The following ABCA10 variants were observed in gnomAD, a reference collection of about 807,000 sequenced individuals.
The protein encoded by ABCA10 is ATP-binding cassette sub-family A member 10.
Under a neutral mutation model 187.5 loss-of-function variants are expected in ABCA10, and 169 were observed. That is an observed-to-expected ratio of 0.90 (90% CI 0.80 to 1.02). The LOEUF (loss-of-function observed/expected upper bound fraction) is 1.02. ABCA10 is among the 50% of genes least tolerant of loss of function. The pLI is 0.00. For missense variants in ABCA10, 1,727 were observed against 1,812.4 expected, an observed-to-expected ratio of 0.95 and a Z score of 0.86; for synonymous variants, 574 against 601.8, an observed-to-expected ratio of 0.95 and a Z score of 0.68.
intron 3 of ABCA10, among the ~76,000 whole-genome samples, chr17:69,224,328 T>C (rs956121625): frequency 2.0e-5 from 3 of 152,096 alleles, no homozygotes; most frequent in African/African-American, 4.8e-5. Flanking sequence ...ACAGATTGGA[T>C]AAAATGTACA....
chr17:69,217,633 G>A (rs2074716178), intron 6 of ABCA10, among the ~76,000 whole-genome samples: 3 of 152,140 alleles, frequency 2.0e-5, no homozygotes, highest in African/African-American at 7.2e-5. Flanking sequence ...AGCCTTATTT[G>A]GGCAAAGCAG....
At position 69,216,245 on chromosome 17, in the gene ABCA10, G is replaced by A; in HGVS notation, c.644C>T (p.Thr215Ile). The change falls in exon 7 of 39, where the codon ACA (threonine) becomes ATA (isoleucine). Residue 215 changes from threonine to isoleucine, a missense_variant. Thr to Ile is a moderately conservative substitution (Grantham distance 89). Transcript: ENST00000690296. Reference sequence around the variant, plus strand: ...AGAAAGGCCATATAAGCTATAGAGTGTGAATATCACCATGAAGCCAGTATG... The same window carrying A: ...AGAAAGGCCATATAAGCTATAGAGTATGAATATCACCATGAAGCCAGTATG... ...VFHTGFMVIF[T>I]LYSLYGLSLI... The A allele has an allele frequency of 6.2e-7, 1 of 1,613,434 alleles. No individual in the cohort carries two copies. The highest frequency in any genetic ancestry group is 1.1e-5 in the South Asian group (1 of 90,932).
At chr17:69,226,087 T>C (rs1324449895) in intron 2 of ABCA10, among the ~76,000 whole-genome samples, 1 of 152,080 alleles carries the variant, frequency 6.6e-6, no homozygotes, top group African/African-American at 2.4e-5. Flanking sequence ...TGGAACTAGA[T>C]GATATGGAAT....
intron 18 of ABCA10, among the ~76,000 whole-genome samples, chr17:69,190,045 C>T (rs1001740730): frequency 6.6e-6 from 1 of 152,162 alleles, no homozygotes. Flanking sequence ...TAGCAGAATT[C>T]ATCGCTATAG....
intron 25 of ABCA10, among the ~76,000 whole-genome samples, chr17:69,167,957 C>T (rs996853235): frequency 6.6e-6 from 1 of 152,160 alleles, no homozygotes; most frequent in African/African-American, 2.4e-5. Flanking sequence ...TCTTTCACCT[C>T]TGACACCCCT....
Position 69,182,837 on chromosome 17 carries a change from A to G in ABCA10, c.2498-29T>C, listed in dbSNP as rs756513507. ...ACATAGTGGAAGGAAGGCAACAAGA[A>G]AAAAAAAAAAAAAGCAAGAAAATCA... On this transcript the variant is annotated intron_variant, in intron 20 of 38. Coordinates refer to ENST00000690296, the MANE Select transcript of ABCA10 (RefSeq NM_001377321.1). 8.4e-5 allele frequency: 22 copies of G among 263,088 alleles called. No homozygotes were observed. In the African/African-American group the frequency reaches 4.5e-3, roughly 54 times the overall value. 16.3% of individuals were successfully genotyped at this position (263,088 alleles called of 1,614,324 possible). A position where few individuals can be genotyped will look rare whatever the true frequency, so the allele number is the denominator to read the frequency against.
chr17:69,213,771 C>T (rs765457500), intron 9 of ABCA10, among the ~76,000 whole-genome samples: 1 of 152,190 alleles, frequency 6.6e-6, no homozygotes, highest in Admixed American at 6.5e-5. Context: ...AACCAACCCC[C>T]ACCCTGGCCC....
At chr17:69,166,560 C>T (rs184438475) in intron 25 of ABCA10, among the ~76,000 whole-genome samples, 1 of 152,162 alleles carries the variant, frequency 6.6e-6, no homozygotes, top group Non-Finnish European at 1.5e-5. Flanking sequence ...AACTTTTATA[C>T]CTATAGGCTT....
intron 20 of ABCA10, among the ~76,000 whole-genome samples, chr17:69,185,106 G>A (rs1260342471): frequency 6.6e-6 from 1 of 151,964 alleles, no homozygotes; most frequent in Non-Finnish European, 1.5e-5. Context: ...CTATGAAGGT[G>A]CAAAGGCATA....
At chr17:69,175,312 A>G in intron 23 of ABCA10, 94 bp downstream of exon 23, 1 of 1,056,380 alleles carries the variant, frequency 9.5e-7, no homozygotes, top group Admixed American at 2.8e-5. Context: ...AACATTAACC[A>G]AAGTACAACT....
intron 11 of ABCA10, among the ~76,000 whole-genome samples, chr17:69,195,560 T>TC (rs1555661360): frequency 1.4e-5 from 2 of 143,516 alleles, no homozygotes; most frequent in Non-Finnish European, 3.0e-5. Flanking sequence ...TTTTCTTTTT[T>TC]TTTTTTTTTT....
intron 37 of ABCA10, among the ~76,000 whole-genome samples, chr17:69,149,621 T>G (rs558743591): frequency 5.4e-4 from 82 of 152,294 alleles, no homozygotes; most frequent in African/African-American, 1.9e-3. Context: ...TTTAGAAACA[T>G]AGAGACCTCA....
At chr17:69,214,064 A>G (rs1243058228) in intron 9 of ABCA10, among the ~76,000 whole-genome samples, 1 of 152,232 alleles carries the variant, frequency 6.6e-6, no homozygotes, top group African/African-American at 2.4e-5. Flanking sequence ...AAGTGAGTTC[A>G]ATTTAGGCAC....
At chr17:69,218,113 C>T (rs1343758244) in intron 6 of ABCA10, among the ~76,000 whole-genome samples, 1 of 151,830 alleles carries the variant, frequency 6.6e-6, no homozygotes, top group Non-Finnish European at 1.5e-5. Flanking sequence ...CCACATGTAC[C>T]CCACAGTATA....
intron 5 of ABCA10, among the ~76,000 whole-genome samples, chr17:69,220,800 G>GT (rs943426394): frequency 1.9e-4 from 29 of 152,194 alleles, no homozygotes; most frequent in African/African-American, 6.7e-4. Flanking sequence ...CCCACCACCT[G>GT]TTTTTGTATA....
chr17:69,171,767 G>A (rs1309988962), intron 25 of ABCA10, among the ~76,000 whole-genome samples: 2 of 152,114 alleles, frequency 1.3e-5, no homozygotes, highest in Non-Finnish European at 2.9e-5. Flanking sequence ...AGCAACAAGA[G>A]AGTGAATTTT....
Position 69,193,578 on chromosome 17 carries a change from C to A in ABCA10, c.1556G>T (p.Ser519Ile). The A allele has an allele frequency of 6.2e-7, 1 of 1,610,556 alleles. No homozygotes were observed. Among genetic ancestry groups the A allele is most frequent in the Non-Finnish European group, 8.5e-7 (1 of 1,177,356 alleles). The change falls in exon 14 of 39, where the codon AGC becomes ATC. Residue 519 changes from serine (S) to isoleucine (I), a missense_variant. Ser to Ile is a moderately radical substitution (Grantham distance 142, BLOSUM62 -2). Coordinates refer to ENST00000690296, the MANE Select transcript of ABCA10 (RefSeq NM_001377321.1). ...TTTTTTAGCAATAATGTCTTGAATG[C>A]TTTGCATGTCTAATTCCATTATAAT... ...KRIIMELDMQ[S>I]IQDIIAKKLS...
At chr17:69,150,833 T>G (rs1220200869) in intron 36 of ABCA10, among the ~76,000 whole-genome samples, 3 of 152,186 alleles carry the variant, frequency 2.0e-5, no homozygotes, top group Non-Finnish European at 4.4e-5. Flanking sequence ...AAAGGACATT[T>G]TCATTATCAC....
chr17:69,149,309 T>C (rs1283737425), intron 37 of ABCA10: 6 of 524,680 alleles, frequency 1.1e-5, no homozygotes, highest in Non-Finnish European at 2.0e-5. Context: ...AAGCTCCTTG[T>C]GTCCTATTTT....
Sources: allele counts gnomAD v4.1 joint callset (sites outside exome capture counted in the v4.1 genomes callset), GRCh38; gene constraint gnomAD v4.1.1; transcripts MANE v1.5; gene names NCBI Gene and HGNC (gene_info 2026-07-23, HGNC 2026-07-21).